The following TRPM3 variants were observed in gnomAD, a reference collection of about 807,000 sequenced individuals.
The protein encoded by TRPM3 is transient receptor potential cation channel subfamily M member 3.
A neutral mutation model predicts 181.2 loss-of-function variants in TRPM3; 77 were observed. The ratio of observed to expected loss-of-function variants is 0.42; its 90% confidence interval spans 0.35 to 0.51. TRPM3 has a LOEUF of 0.51. TRPM3 is among the 20% of genes least tolerant of loss of function. The probability of loss-of-function intolerance (pLI) is 0.01; values close to 1 mark genes in which losing one functional copy is unlikely to be tolerated. For synonymous variants in TRPM3, 745 were observed against 796.4 expected (o/e 0.94, Z 1.09); for missense variants, 1,759 against 2,196.7 (o/e 0.80, Z 3.98).
chr9:70,647,126 G>T (rs1335902676), intron 9 of TRPM3, among the ~76,000 whole-genome samples: 1 of 151,958 alleles, frequency 6.6e-6, no homozygotes, highest in Non-Finnish European at 1.5e-5. Flanking sequence ...AATAAGAGGT[G>T]GTACCAATCC....
intron 1 of TRPM3, among the ~76,000 whole-genome samples, chr9:71,020,653 A>C (rs2097840195): frequency 6.6e-6 from 1 of 152,198 alleles, no homozygotes; most frequent in Non-Finnish European, 1.5e-5. Context: ...CATCAGGAAA[A>C]TGCAAATTAA....
chr9:71,011,953 T>A (rs962609540), intron 1 of TRPM3, among the ~76,000 whole-genome samples: 2 of 151,728 alleles, frequency 1.3e-5, no homozygotes, highest in Non-Finnish European at 2.9e-5. Context: ...GCTAATTTTT[T>A]TATATTTTTA....
At chr9:71,134,018 C>T (rs1028950703) in intron 1 of TRPM3, among the ~76,000 whole-genome samples, 8 of 131,166 alleles carry the variant, frequency 6.1e-5, no homozygotes, top group Non-Finnish European at 9.8e-5. Context: ...TGTGTGTGCG[C>T]GTGCGCGCGC....
rs566672152 is a variant in TRPM3, at chr9:71,014,443, T to C, written c.177+106735A>G. On this transcript the variant is annotated intron_variant, in intron 1 of 25. Coordinates refer to ENST00000677713, the MANE Select transcript of TRPM3 (RefSeq NM_001366145.2). ...CTTTTATATCTTATTTTTTATCTGT[T>C]TGACTTGTTTGTGTGTGAGAGTGGA... Among the ~76,000 whole-genome samples the C allele has an allele frequency of 5.9e-5, 9 of 152,262 alleles. No homozygotes were observed. The South Asian group carries it at 1.9e-3, about 32-fold the overall frequency.
At chr9:71,415,787 T>C (rs1821072) in intron 1 of TRPM3, among the ~76,000 whole-genome samples, 150,398 of 151,990 alleles carry the variant, frequency 0.99, 74,441 homozygotes, top group East Asian at 1. Context: ...TTTCTAAAAG[T>C]TTCTCTAGAT....
chr9:71,374,163 G>T (rs1245597454), intron 1 of TRPM3, among the ~76,000 whole-genome samples: 1 of 152,144 alleles, frequency 6.6e-6, no homozygotes, highest in Non-Finnish European at 1.5e-5. Context: ...ATCACCTGAG[G>T]TCAGGAGTTC....
chr9:70,738,256 C>T (rs2073218020), intron 8 of TRPM3, among the ~76,000 whole-genome samples: 1 of 152,102 alleles, frequency 6.6e-6, no homozygotes, highest in South Asian at 2.1e-4. Context: ...ATTAAATAAC[C>T]AGCCCCTGAA....
intron 6 of TRPM3, among the ~76,000 whole-genome samples, chr9:70,794,226 T>C (rs1194852274): frequency 6.6e-6 from 1 of 152,144 alleles, no homozygotes; most frequent in Non-Finnish European, 1.5e-5. Flanking sequence ...CTGTTTACTA[T>C]ATGGGAAGCT....
chr9:70,631,336 C>T (rs907225162), intron 12 of TRPM3, among the ~76,000 whole-genome samples: 3 of 150,212 alleles, frequency 2.0e-5, no homozygotes, highest in Non-Finnish European at 4.4e-5. Flanking sequence ...ATGTCCTTTC[C>T]TTACCCAAAG....
intron 1 of TRPM3, among the ~76,000 whole-genome samples, chr9:70,932,488 T>C (rs959974608): frequency 6.6e-6 from 1 of 152,176 alleles, no homozygotes; most frequent in African/African-American, 2.4e-5. Flanking sequence ...ATCATGTAAA[T>C]ATTCATGTAT....
At chr9:70,740,870 A>G (rs932035195) in intron 8 of TRPM3, among the ~76,000 whole-genome samples, 1 of 152,242 alleles carries the variant, frequency 6.6e-6, no homozygotes, top group Non-Finnish European at 1.5e-5. Context: ...TCTAGGAGAT[A>G]ACATCGGAAA....
chr9:71,068,325 C>G (rs544906274), intron 1 of TRPM3, among the ~76,000 whole-genome samples: 1 of 152,316 alleles, frequency 6.6e-6, no homozygotes, highest in South Asian at 2.1e-4. Flanking sequence ...GAGGACTGTA[C>G]TTTCTCAATT....
intron 1 of TRPM3, among the ~76,000 whole-genome samples, chr9:71,077,411 C>T (rs994205994): frequency 2.0e-5 from 3 of 152,322 alleles, no homozygotes; most frequent in African/African-American, 7.2e-5. Context: ...TTTGACTCAT[C>T]ATCACACACT....
intron 14 of TRPM3, among the ~76,000 whole-genome samples, chr9:70,624,359 T>C (rs1442370369): frequency 6.6e-6 from 1 of 152,166 alleles, no homozygotes; most frequent in Non-Finnish European, 1.5e-5. Flanking sequence ...TCACAGGCAC[T>C]ATAATAGTAT....
At chr9:70,774,627 A>G (rs1031974104) in intron 7 of TRPM3, 6 of 152,146 alleles carry the variant, frequency 3.9e-5, no homozygotes, top group Admixed American at 3.9e-4. Flanking sequence ...AATGGCAAAA[A>G]CCAAGGAGAT....
chr9:71,385,955 C>T (rs1471306448), intron 1 of TRPM3, among the ~76,000 whole-genome samples: 1 of 152,006 alleles, frequency 6.6e-6, no homozygotes, highest in East Asian at 1.9e-4. Flanking sequence ...GATCCACCCA[C>T]CTCAGCCTCT....
intron 1 of TRPM3, among the ~76,000 whole-genome samples, chr9:70,960,542 C>T (rs771990391): frequency 2.0e-5 from 3 of 152,074 alleles, no homozygotes; most frequent in Non-Finnish European, 2.9e-5. Context: ...ATGATAATTC[C>T]TCAGAATACA....
At chr9:71,098,461 C>T (rs1256920689) in intron 1 of TRPM3, among the ~76,000 whole-genome samples, 1 of 152,154 alleles carries the variant, frequency 6.6e-6, no homozygotes, top group African/African-American at 2.4e-5. Flanking sequence ...TAACTACTTT[C>T]ACACACTATT....
chr9:70,868,110 C>T (rs975463305), intron 1 of TRPM3, among the ~76,000 whole-genome samples: 8 of 151,986 alleles, frequency 5.3e-5, no homozygotes, highest in Admixed American at 1.3e-4. Flanking sequence ...GTCTCATGCA[C>T]GCTTAGAAAA....
Sources: allele counts gnomAD v4.1 joint callset (sites outside exome capture counted in the v4.1 genomes callset), GRCh38; gene constraint gnomAD v4.1.1; transcripts MANE v1.5; gene names NCBI Gene and HGNC (gene_info 2026-07-23, HGNC 2026-07-21).